The following CAMK1D variants were observed in gnomAD, a reference collection of about 807,000 sequenced individuals.
CAMK1D encodes calcium/calmodulin-dependent protein kinase type 1D.
Under a neutral mutation model 47.7 loss-of-function variants are expected in CAMK1D, and 9 were observed. The ratio of observed to expected loss-of-function variants is 0.19; its 90% CI spans 0.11 to 0.33. The LOEUF (loss-of-function observed/expected upper bound fraction) is 0.33, where lower values mean the gene tolerates loss of function less well. CAMK1D is among the 10% of genes least tolerant of loss of function. The pLI is 1.00. For missense variants in CAMK1D, 291 were observed against 488.7 expected, an observed-to-expected ratio of 0.60 and a Z score of 3.81; for synonymous variants, 184 against 184.9, an observed-to-expected ratio of 0.99 and a Z score of 0.04.
At chr10:12,477,365 A>G (rs550597888) in intron 1 of CAMK1D, among the ~76,000 whole-genome samples, 8 of 152,186 alleles carry the variant, frequency 5.3e-5, no homozygotes, top group Non-Finnish European at 1.0e-4. Context: ...GAGTGAGCCA[A>G]GATCATGCCA....
chr10:12,667,870 A>G (rs1049474352), intron 3 of CAMK1D, among the ~76,000 whole-genome samples: 1 of 152,236 alleles, frequency 6.6e-6, no homozygotes, highest in Non-Finnish European at 1.5e-5. Context: ...TTAACCTTTC[A>G]TGATCTTCAA....
chr10:12,387,431 ATATTATATATATTT>A (rs1310518472), intron 1 of CAMK1D, among the ~76,000 whole-genome samples: 194 of 58,710 alleles, frequency 3.3e-3, no homozygotes, highest in Non-Finnish European at 4.0e-3. Flanking sequence ...TATATTTTAT[ATATTATATATATTT>A]TATATATATA....
chr10:12,357,701 C>G (rs1220682162), intron 1 of CAMK1D, among the ~76,000 whole-genome samples: 1 of 152,132 alleles, frequency 6.6e-6, no homozygotes, highest in African/African-American at 2.4e-5. Context: ...ACGTTATTTT[C>G]CTGATGCAAG....
At chr10:12,825,818 A>G (rs1833186604) in intron 10 of CAMK1D, 128 bp downstream of exon 10, 1 of 1,505,154 alleles carries the variant, frequency 6.6e-7, no homozygotes, top group Admixed American at 2.1e-5. Flanking sequence ...ATCCCATGTC[A>G]TGCGACCCTA....
chr10:12,604,104 C>T (rs1465613419), intron 2 of CAMK1D, among the ~76,000 whole-genome samples: 1 of 63,204 alleles, frequency 1.6e-5, no homozygotes, highest in Non-Finnish European at 5.3e-5. Context: ...GCTCCTGTCA[C>T]CCCCCATCAT....
intron 1 of CAMK1D, among the ~76,000 whole-genome samples, chr10:12,430,734 TGTGATGATGATG>T (rs1337689413): frequency 6.6e-6 from 1 of 151,972 alleles, no homozygotes; most frequent in Admixed American, 6.6e-5. Context: ...GGTGCATACA[TGTGATGATGATG>T]ATGATGATGA....
At chr10:12,549,408 CT>C (rs1164562299) in intron 1 of CAMK1D, among the ~76,000 whole-genome samples, 1 of 152,196 alleles carries the variant, frequency 6.6e-6, no homozygotes, top group African/African-American at 2.4e-5. Context: ...CTATTTATGG[CT>C]ATTCTGTTAT....
chr10:12,450,197 C>G (rs188659002), intron 1 of CAMK1D, among the ~76,000 whole-genome samples: 1 of 151,910 alleles, frequency 6.6e-6, no homozygotes, highest in African/African-American at 2.4e-5. Flanking sequence ...GGAAGTTTCC[C>G]TATGTAATTA....
intron 5 of CAMK1D, among the ~76,000 whole-genome samples, chr10:12,786,782 C>G (rs1028858859): frequency 6.6e-6 from 1 of 152,190 alleles, no homozygotes; most frequent in African/African-American, 2.4e-5. Context: ...AGCAGAGTCT[C>G]GTGTTTTAAA....
chr10:12,615,497 T>C (rs936005607), intron 2 of CAMK1D, among the ~76,000 whole-genome samples: 1 of 151,406 alleles, frequency 6.6e-6, no homozygotes, highest in Non-Finnish European at 1.5e-5. Context: ...TGTGCATGTG[T>C]ACATGTATAG....
intron 1 of CAMK1D, among the ~76,000 whole-genome samples, chr10:12,509,482 C>G (rs1834975341): frequency 6.6e-6 from 1 of 152,202 alleles, no homozygotes; most frequent in Admixed American, 6.5e-5. Flanking sequence ...TTCAGTGGCT[C>G]ACGCCTGTAA....
chr10:12,540,847 A>G (rs1439938659), intron 1 of CAMK1D, among the ~76,000 whole-genome samples: 2 of 152,254 alleles, frequency 1.3e-5, no homozygotes, highest in Middle Eastern at 3.4e-3. Flanking sequence ...TCTACCTACT[A>G]AAGTTAAGGA....
At chr10:12,615,757 T>C (rs1838777129) in intron 2 of CAMK1D, among the ~76,000 whole-genome samples, 1 of 151,680 alleles carries the variant, frequency 6.6e-6, no homozygotes, top group Non-Finnish European at 1.5e-5. Flanking sequence ...TATAGTTGTG[T>C]GCGTAGGTGT....
chr10:12,617,015 C>T (rs983607467), intron 2 of CAMK1D, among the ~76,000 whole-genome samples: 2 of 151,880 alleles, frequency 1.3e-5, no homozygotes, highest in African/African-American at 4.8e-5. Context: ...TTTTTAATAT[C>T]CCTGTCTAGT....
chr10:12,590,260 C>T (rs1174359095), intron 2 of CAMK1D, among the ~76,000 whole-genome samples: 1 of 152,006 alleles, frequency 6.6e-6, no homozygotes, highest in Non-Finnish European at 1.5e-5. Context: ...CTCTGTCTCC[C>T]AGGCTGGAGT....
chr10:12,587,468 C>T (rs995074212), intron 2 of CAMK1D, among the ~76,000 whole-genome samples: 2 of 151,538 alleles, frequency 1.3e-5, no homozygotes, highest in African/African-American at 4.9e-5. Context: ...CTTCTGGAGG[C>T]TTGGCGGCAT....
chr10:12,621,963 A>G (rs2132440824), intron 2 of CAMK1D, among the ~76,000 whole-genome samples: 1 of 152,316 alleles, frequency 6.6e-6, no homozygotes, highest in East Asian at 1.9e-4. Flanking sequence ...CAGGTTTCCC[A>G]CTAGGCTTCC....
intron 10 of CAMK1D, 29 bp downstream of exon 10, chr10:12,825,719 C>T (rs748199945): frequency 1.9e-6 from 3 of 1,613,840 alleles, no homozygotes; most frequent in South Asian, 1.1e-5. Flanking sequence ...CAGAATCCCT[C>T]AGCTGACACT....
intron 5 of CAMK1D, among the ~76,000 whole-genome samples, chr10:12,770,214 T>C (rs574566126): frequency 1.1e-4 from 16 of 152,362 alleles, no homozygotes; most frequent in Non-Finnish European, 1.9e-4. Flanking sequence ...GGAACATTGA[T>C]GGAGGAACCT....
Sources: allele counts gnomAD v4.1 joint callset (sites outside exome capture counted in the v4.1 genomes callset), GRCh38; gene constraint gnomAD v4.1.1; transcripts MANE v1.5; gene names NCBI Gene and HGNC (gene_info 2026-07-23, HGNC 2026-07-21).